Variants in RIMS2 observed in about 807,000 individuals in gnomAD.
The protein encoded by RIMS2 is regulating synaptic membrane exocytosis 2, also known as regulating synaptic membrane exocytosis protein 2.
In RIMS2, 59 loss-of-function variants were observed where a neutral mutation model predicts 174.4. That is an observed-to-expected ratio of 0.34 (90% CI 0.27 to 0.42). RIMS2 has a LOEUF of 0.42. Ranked by LOEUF, RIMS2 falls within the 10% of genes least tolerant of loss-of-function variation. The pLI is 1.00. For synonymous variants in RIMS2, 606 were observed against 572.5 expected, an observed-to-expected ratio of 1.06 and a Z score of -0.84; for missense variants, 1,620 against 1,666.3, an observed-to-expected ratio of 0.97 and a Z score of 0.48.
intron 13 of RIMS2, among the ~76,000 whole-genome samples, chr8:103,938,402 T>C (rs779722399): frequency 6.6e-6 from 1 of 152,030 alleles, no homozygotes; most frequent in Non-Finnish European, 1.5e-5. Flanking sequence ...AACCATCAGA[T>C]CTCGTGAGAT....
intron 3 of RIMS2, among the ~76,000 whole-genome samples, chr8:103,787,386 G>A (rs1335348974): frequency 6.6e-6 from 1 of 151,050 alleles, no homozygotes; most frequent in African/African-American, 2.4e-5. Context: ...TTACATTTTG[G>A]CATGATTTTG....
At chr8:104,062,893 A>G (rs1020813766) in intron 19 of RIMS2, among the ~76,000 whole-genome samples, 3 of 152,034 alleles carry the variant, frequency 2.0e-5, no homozygotes, top group Admixed American at 6.6e-5. Context: ...CTTTTTCTCA[A>G]TGGTTTAAAT....
chr8:103,629,434 G>T (rs2095861425), intron 1 of RIMS2, among the ~76,000 whole-genome samples: 1 of 152,192 alleles, frequency 6.6e-6, no homozygotes, highest in Middle Eastern at 3.2e-3. Flanking sequence ...AAGTGGGGCA[G>T]ACCAGAAGCA....
chr8:103,894,639 A>G (rs1019822286), intron 4 of RIMS2, among the ~76,000 whole-genome samples: 3 of 151,668 alleles, frequency 2.0e-5, no homozygotes, highest in African/African-American at 2.4e-5. Flanking sequence ...TGAAATTTCA[A>G]TGATAGGAAA....
rs141754085 is a variant in RIMS2, at chr8:103,737,340, T to C, written c.388-28887T>C. The stretch of plus-strand genomic sequence containing the variant: ...CTGGGATTACAGGTGCATGCCACCA[T>C]GTCTGGCTAATTTTTTTCTATTTTT... On this transcript the variant is annotated intron_variant, in intron 2 of 23. Coordinates refer to ENST00000504942, the Ensembl canonical transcript of RIMS2. 2.9e-3 allele frequency among the ~76,000 whole-genome samples: 437 copies of C among 151,838 alleles called. 5 individuals are homozygous for C. The highest frequency in any genetic ancestry group is 6.8e-3 in the Middle Eastern group (2 of 292).
At position 103,890,100 on chromosome 8, in the gene RIMS2, A is replaced by G. The variant is rs1204695846; in HGVS notation, c.1624+3877A>G. Among the ~76,000 whole-genome samples the G allele has an allele frequency of 3.9e-5, 6 of 151,990 alleles. No homozygotes were observed. In the East Asian group the frequency reaches 7.8e-4, roughly 20 times the overall value. Reference sequence around the variant, plus strand: ...ATACTCATCATACAGTATTCAAATCATTTTTGGATTACTTAATGTTCTGTG... The same window carrying G: ...ATACTCATCATACAGTATTCAAATCGTTTTTGGATTACTTAATGTTCTGTG... On this transcript the variant is annotated intron_variant, in intron 4 of 23. Transcript: ENST00000504942.
chr8:104,143,565 C>G (rs969537007), intron 19 of RIMS2, among the ~76,000 whole-genome samples: 1 of 152,140 alleles, frequency 6.6e-6, no homozygotes, highest in Non-Finnish European at 1.5e-5. Context: ...AGGAAGTAAG[C>G]CTTTCAAGAT....
chr8:104,078,532 C>T (rs2097344574), intron 19 of RIMS2, among the ~76,000 whole-genome samples: 1 of 152,102 alleles, frequency 6.6e-6, no homozygotes, highest in Non-Finnish European at 1.5e-5. Flanking sequence ...CCTATGTGAC[C>T]TCATTTTACC....
chr8:103,990,939 C>T (rs893237516), intron 17 of RIMS2, among the ~76,000 whole-genome samples: 1 of 151,710 alleles, frequency 6.6e-6, no homozygotes, highest in African/African-American at 2.4e-5. Context: ...ATGTCAAATG[C>T]ATAATACTTT....
intron 3 of RIMS2, among the ~76,000 whole-genome samples, chr8:103,778,750 T>C (rs1452689697): frequency 6.6e-6 from 1 of 152,190 alleles, no homozygotes; most frequent in Non-Finnish European, 1.5e-5. Flanking sequence ...TAATTTCATT[T>C]CTTTTGGATG....
intron 2 of RIMS2, among the ~76,000 whole-genome samples, chr8:103,732,428 C>T (rs1194842758): frequency 1.3e-5 from 2 of 152,146 alleles, no homozygotes; most frequent in African/African-American, 4.8e-5. Flanking sequence ...GCTTAAGGCC[C>T]GCAGTGACCA....
At chr8:104,112,310 A>C (rs1236066864) in intron 19 of RIMS2, among the ~76,000 whole-genome samples, 2 of 152,144 alleles carry the variant, frequency 1.3e-5, no homozygotes, top group Non-Finnish European at 2.9e-5. Context: ...TTTAACAAAT[A>C]ATAATGTTGA....
At chr8:103,769,063 T>TAA in intron 3 of RIMS2, 4 of 244,962 alleles carry the variant, frequency 1.6e-5, no homozygotes, top group South Asian at 5.8e-5. Flanking sequence ...AAGATCAGAC[T>TAA]AAAAAAAAAA....
At chr8:103,970,941 A>G (rs1055697777) in intron 15 of RIMS2, among the ~76,000 whole-genome samples, 3 of 152,136 alleles carry the variant, frequency 2.0e-5, no homozygotes, top group Admixed American at 1.3e-4. Context: ...TGATATTTGC[A>G]TTGTTAATGT....
rs1283001345 is a variant in RIMS2, at chr8:104,032,756, A to C, written c.3334+18141A>C. 2.0e-5 allele frequency among the ~76,000 whole-genome samples: 3 copies of C among 152,142 alleles called. No homozygotes were observed. In the East Asian group the frequency reaches 5.8e-4, roughly 29 times the overall value. On this transcript the variant is annotated intron_variant, in intron 19 of 23. Transcript: ENST00000504942. ...TTAAAGTATTTTTATGTGCTGACTC[A>C]TTATTTCATGTTACAGCTCTAAGAC...
At chr8:103,766,260 C>A (rs1322504637) in exon 3 of RIMS2, 5 of 1,613,138 alleles carry the variant, frequency 3.1e-6, no homozygotes, top group Non-Finnish European at 4.2e-6. Flanking sequence ...CCGAAAACAA[C>A]AAGAAATCCT....
chr8:103,611,383 T>G (rs2095361183), intron 1 of RIMS2, among the ~76,000 whole-genome samples: 2 of 152,210 alleles, frequency 1.3e-5, no homozygotes, highest in Non-Finnish European at 2.9e-5. Context: ...TTTGTTTTTT[T>G]CTGCATGCTT....
intron 19 of RIMS2, among the ~76,000 whole-genome samples, chr8:104,046,365 G>C (rs2096695312): frequency 6.6e-6 from 1 of 151,868 alleles, no homozygotes; most frequent in African/African-American, 2.4e-5. Context: ...TAGTTGTTAG[G>C]GTTTCAACAT....
intron 1 of RIMS2, among the ~76,000 whole-genome samples, chr8:103,513,884 T>C (rs1416092324): frequency 6.6e-6 from 1 of 152,208 alleles, no homozygotes; most frequent in Non-Finnish European, 1.5e-5. Context: ...TATTGGGGTC[T>C]TTATTGATCC....
Sources: allele counts gnomAD v4.1 joint callset (sites outside exome capture counted in the v4.1 genomes callset), GRCh38; gene constraint gnomAD v4.1.1; transcripts MANE v1.5; gene names NCBI Gene and HGNC (gene_info 2026-07-23, HGNC 2026-07-21).